MRPL9: variants seen among roughly 807,000 people sequenced by gnomAD.
MRPL9 encodes large ribosomal subunit protein bL9m.
A neutral mutation model predicts 27.6 loss-of-function variants in MRPL9; 25 were observed. The ratio of observed to expected loss-of-function variants is 0.91; its 90% CI spans 0.66 to 1.27. MRPL9 has a LOEUF of 1.27. Ranked by LOEUF, MRPL9 falls within the 50% of genes most tolerant of loss-of-function variation. MRPL9 has a pLI of 0.00. For missense variants in MRPL9, 362 were observed against 338.0 expected (o/e 1.07, Z -0.56); for synonymous variants, 154 against 139.0 (o/e 1.11, Z -0.76).
chr1:151,763,362 C>T lies in MRPL9; in HGVS notation c.118G>A (p.Asp40Asn), dbSNP rs777370947. The change falls in exon 1 of 7, where the codon GAC (aspartate) becomes AAC (asparagine). Residue 40 changes from aspartate (D) to asparagine (N), a missense_variant. Physicochemically the swap from Asp to Asn is conservative, Grantham distance 23. Transcript: ENST00000368830. The part of the protein sequence containing the change: ...LRPRHEGNAP[D>N]LACNFSLSQN... Reference sequence around the variant, plus strand: ...GAAAGGCTGAAGTTGCAGGCCAGGTCAGGGGCGTTCCCTTCATGTCGCGGC... The same window carrying T: ...GAAAGGCTGAAGTTGCAGGCCAGGTTAGGGGCGTTCCCTTCATGTCGCGGC... The T allele has an allele frequency of 4.4e-6, 7 of 1,578,076 alleles. No homozygotes were observed. Among genetic ancestry groups the T allele is most frequent in the Non-Finnish European group, 6.0e-6 (7 of 1,160,592 alleles).
At position 151,760,056 on chromosome 1, in the gene MRPL9, C is replaced by T. The variant is rs779545312; in HGVS notation, c.798G>A (p.Gln266=). Residue 266 remains glutamine, a synonymous_variant, in exon 7 of 7, where the codon CAG becomes CAA. Transcript: ENST00000368830. ...AAKAMAPTSP[Q]I The stretch of plus-strand genomic sequence containing the variant: ...CCTTGGAGGGAGAGTAGATTTAGAT[C>T]TGGGGGCTGGTGGGGGCCATAGCCT... 7.4e-6 allele frequency: 12 copies of T among 1,613,722 alleles called. No homozygotes were observed. Among genetic ancestry groups the T allele is most frequent in the South Asian group, 6.6e-5 (6 of 91,048 alleles).
Position 151,759,937 on chromosome 1 carries a change from G to A in MRPL9, c.*113C>T, listed in dbSNP as rs1248205283. The A allele has an allele frequency of 2.4e-5, 34 of 1,405,862 alleles. No individual in the cohort carries two copies. The highest frequency in any genetic ancestry group is 2.9e-5 in the Non-Finnish European group (30 of 1,040,844). The allele number at this position is 1,405,862 out of a possible 1,614,324, so 87.1% of individuals were successfully genotyped here. A position where few individuals can be genotyped will look rare whatever the true frequency, so the allele number is the denominator to read the frequency against. On this transcript the variant is annotated 3_prime_UTR_variant, in exon 7 of 7. Coordinates refer to ENST00000368830, the MANE Select transcript of MRPL9 (RefSeq NM_031420.4). ...TACGCAGTGCAGTCTGATGTCTTCA[G>A]ATGTTCTCTAAAATTCTGTATTTGG...
intron 4 of MRPL9, 60 bp from the exon 5 acceptor site, chr1:151,761,612 G>A (rs1165253710): frequency 2.4e-6 from 3 of 1,270,410 alleles, no homozygotes; most frequent in East Asian, 2.3e-5. Flanking sequence ...CACAGGGTAT[G>A]CAAGCCAAGC....
rs762219559 is a variant in MRPL9, at chr1:151,761,492, C to T, written c.547G>A (p.Glu183Lys). The T allele has an allele frequency of 6.2e-7, 1 of 1,614,018 alleles. No homozygotes were observed. Among genetic ancestry groups the T allele is most frequent in the Non-Finnish European group, 8.5e-7 (1 of 1,179,932 alleles). ...EVGMKNNVKWELNPEIVARHF... is the reference protein window; with the variant it reads ...EVGMKNNVKWKLNPEIVARHF... ...CGGGCAACTATTTCAGGGTTCAGCT[C>T]CCATTTGACATTGTTCTTCATCCCT... Residue 183 changes from glutamate (E) to lysine (K), a missense_variant, in exon 5 of 7, where the codon GAG becomes AAG. Glu to Lys is a moderately conservative substitution (Grantham distance 56). Transcript: ENST00000368830.
chr1:151,761,460 G>T lies in MRPL9; in HGVS notation c.579C>A (p.Phe193Leu), dbSNP rs866644572. ...GGGAACACTCACTCACATTCTTAAA[G>T]AAGTGGCGGGCAACTATTTCAGGGT... ...ELNPEIVARH[F>L]FKNLGVVVAP... The change falls in exon 5 of 7, where the codon TTC becomes TTA. Residue 193 changes from phenylalanine (F) to leucine (L), a missense_variant. Coordinates refer to ENST00000368830, the MANE Select transcript of MRPL9 (RefSeq NM_031420.4). The T allele has an allele frequency of 2.3e-5, 37 of 1,608,312 alleles. No homozygotes were observed. The highest frequency in any genetic ancestry group is 3.1e-5 in the Non-Finnish European group (37 of 1,175,250).
Position 151,762,377 on chromosome 1 carries a change from A to C in MRPL9, c.434T>G (p.Leu145Trp), listed in dbSNP as rs1185202982. Residue 145 changes from leucine to tryptophan, a missense_variant and splice_region_variant, in exon 3 of 7, where the codon TTG becomes TGG. Physicochemically the swap from Leu to Trp is moderately conservative, Grantham distance 61 (BLOSUM62 -2). Transcript: ENST00000368830. ...TCTCTGTCCTTCCTTTGAGCTCACCAATTTCTCCTCTTCAAACAGCTTCTT... is the reference window on the plus strand; with the variant it reads ...TCTCTGTCCTTCCTTTGAGCTCACCCATTTCTCCTCTTCAAACAGCTTCTT... ...ENKKLFEEEK[L>W]LRQEGKLEKI... 6.2e-7 allele frequency: 1 copy of C among 1,613,998 alleles called. No homozygotes were observed. The highest frequency in any genetic ancestry group is 1.3e-5 in the African/African-American group (1 of 74,924).
At chr1:151,760,712 CCT>C (rs1256197511) in intron 6 of MRPL9, 102 bp downstream of exon 6, 1 of 1,039,784 alleles carries the variant, frequency 9.6e-7, no homozygotes, top group African/African-American at 1.6e-5. Flanking sequence ...TTGAATCCAG[CCT>C]GGGCAATGAA....
In MRPL9 at chr1:151,761,316, A is replaced by T. The variant is rs186844048; in HGVS notation, c.588+135T>A. ...CCATTTCCTTCCCATATTCCTGCAA[A>T]CTAACCAAGAATACTTTCCTTAACT... On this transcript the variant is annotated intron_variant, in intron 5 of 6. Coordinates refer to ENST00000368830, the MANE Select transcript of MRPL9 (RefSeq NM_031420.4). 1.2e-4 allele frequency: 85 copies of T among 690,410 alleles called. 1 individual carries two copies. In the African/African-American group the frequency reaches 1.5e-3, roughly 12 times the overall value. 42.8% of individuals were successfully genotyped at this position (690,410 alleles called of 1,614,324 possible).
chr1:151,761,590 A>G, intron 4 of MRPL9, 38 bp from the exon 5 acceptor site: 2 of 1,479,378 alleles, frequency 1.4e-6, no homozygotes, highest in Non-Finnish European at 1.9e-6. Context: ...AGGAGAGGAA[A>G]CATGTCAGGG....
chr1:151,759,874 A>T lies in MRPL9; in HGVS notation c.*176T>A. 1 of 770,510 alleles carries T rather than the reference A, an allele frequency of 1.3e-6. No individual in the cohort carries two copies. Among genetic ancestry groups the T allele is most frequent in the Non-Finnish European group, 1.9e-6 (1 of 520,214 alleles). The allele number at this position is 770,510 out of a possible 1,614,324, so 47.7% of individuals were successfully genotyped here. A position where few individuals can be genotyped will look rare whatever the true frequency, so the allele number is the denominator to read the frequency against. On this transcript the variant is annotated 3_prime_UTR_variant, in exon 7 of 7. Transcript: ENST00000368830. ...ACAGGACTTCCCTGCCCCAGTGATG[A>T]CAGTTAAAGATGGCAAAAATGAAGA...
In MRPL9 at chr1:151,759,989, C is replaced by G; in HGVS notation, c.*61G>C. 1 of 1,588,008 alleles carries G rather than the reference C, an allele frequency of 6.3e-7. No individual in the cohort carries two copies. The highest frequency in any genetic ancestry group is 1.1e-5 in the South Asian group (1 of 87,938). ...CAGAGCTGGGAGTGAGATCAGGGTG[C>G]TTGCACATTTCTGCTCCACTGCTCC... On this transcript the variant is annotated 3_prime_UTR_variant, in exon 7 of 7. Transcript: ENST00000368830.
rs183965555 is a variant in MRPL9 at position 151,763,250 on chromosome 1, G to A, written c.153+77C>T. On this transcript the variant is annotated intron_variant, in intron 1 of 6. Coordinates refer to ENST00000368830, the MANE Select transcript of MRPL9 (RefSeq NM_031420.4). ...AGGAAAGCCCGCCACCCCCACATCGGCCCCCTCCAGGTCCCAGTGCGCCTC... is the reference window on the plus strand; with the variant it reads ...AGGAAAGCCCGCCACCCCCACATCGACCCCCTCCAGGTCCCAGTGCGCCTC... The A allele has an allele frequency of 3.1e-5, 47 of 1,533,834 alleles. No individual in the cohort carries two copies. In the African/African-American group the frequency reaches 5.4e-4, roughly 17 times the overall value.
rs1170646262 is a variant in MRPL9 at position 151,762,431 on chromosome 1, C to A, written c.380G>T (p.Gly127Val). The change falls in exon 3 of 7, where the codon GGA becomes GTA. Residue 127 changes from glycine to valine, a missense_variant. Gly to Val is a moderately radical substitution (Grantham distance 109). Coordinates refer to ENST00000368830, the MANE Select transcript of MRPL9 (RefSeq NM_031420.4). ...TTCAGGGGATGCATATACAGCCAGTCCCTGAGGAAGGAGTCGATTCCGGCC... is the reference window on the plus strand; with the variant it reads ...TTCAGGGGATGCATATACAGCCAGTACCTGAGGAAGGAGTCGATTCCGGCC... The part of the protein sequence containing the change: ...SLGRNRLLPQ[G>V]LAVYASPENK... 4.3e-6 allele frequency: 7 copies of A among 1,614,160 alleles called. No homozygotes were observed. Among genetic ancestry groups the A allele is most frequent in the Non-Finnish European group, 5.9e-6 (7 of 1,180,038 alleles).
At chr1:151,763,248 C>T in intron 1 of MRPL9, 79 bp downstream of exon 1, 4 of 1,532,884 alleles carry the variant, frequency 2.6e-6, no homozygotes, top group Non-Finnish European at 2.6e-6. Flanking sequence ...ACCCCCACAT[C>T]GGCCCCCTCC....
At chr1:151,763,240 C>A in intron 1 of MRPL9, 87 bp downstream of exon 1, 1 of 1,535,266 alleles carries the variant, frequency 6.5e-7, no homozygotes, top group South Asian at 1.2e-5. Context: ...AGCCCGCCAC[C>A]CCCACATCGG....
At chr1:151,762,804 T>C in intron 2 of MRPL9, 186 bp downstream of exon 2, 1 of 805,642 alleles carries the variant, frequency 1.2e-6, no homozygotes, top group Non-Finnish European at 2.0e-6. Flanking sequence ...GCCTTTATGT[T>C]TTAATTTTCA....
chr1:151,763,084 G>A lies in MRPL9; in HGVS notation c.216C>T (p.Arg72=). 6.2e-7 allele frequency: 1 copy of A among 1,614,082 alleles called. No individual in the cohort carries two copies. The part of the protein sequence containing the change: ...VPLAGEGRKP[R]LHRRHRVYKL... ...TATAGACGCGATGTCGCCGGTGCAG[G>A]CGCGGCTTCCGGCCCTCCCCGGCCA... Residue 72 remains arginine (R), a synonymous_variant, in exon 2 of 7, where the codon CGC becomes CGT. Transcript: ENST00000368830.
In MRPL9 at chr1:151,763,476, C is replaced by T. The variant is rs1648223462; in HGVS notation, c.4G>A (p.Ala2Thr). The change falls in exon 1 of 7, where the codon GCG (alanine) becomes ACG (threonine). Residue 2 changes from alanine to threonine, a missense_variant. By Grantham distance (58) the Ala-to-Thr change is moderately conservative. Coordinates refer to ENST00000368830, the MANE Select transcript of MRPL9 (RefSeq NM_031420.4). ...CCCGGGGCCGTGACAACGGGCGCCG[C>T]CATGTTCACAGGCACAGAATGAGAC... The part of the protein sequence containing the change: M[A>T]APVVTAPGRA... 4 of 1,574,196 alleles carry T rather than the reference C, an allele frequency of 2.5e-6. No homozygotes were observed. The highest frequency in any genetic ancestry group is 3.4e-6 in the Non-Finnish European group (4 of 1,160,682).
Position 151,763,452 on chromosome 1 carries a change from C to A in MRPL9, c.28G>T (p.Gly10Cys). The A allele has an allele frequency of 6.4e-7, 1 of 1,573,872 alleles. No homozygotes were observed. MAAPVVTAP[G>C]RALLRAGAGR... ...GCGCCCGCCCGCAGCAGAGCTCTGCCCGGGGCCGTGACAACGGGCGCCGCC... is the reference window on the plus strand; with the variant it reads ...GCGCCCGCCCGCAGCAGAGCTCTGCACGGGGCCGTGACAACGGGCGCCGCC... Residue 10 changes from glycine to cysteine, a missense_variant, in exon 1 of 7, where the codon GGC (glycine) becomes TGC (cysteine). By Grantham distance (159) the Gly-to-Cys change is radical. Transcript: ENST00000368830.
Sources: gnomAD v4.1 joint callset for allele counts on GRCh38, gnomAD v4.1.1 for gene constraint, MANE v1.5 for transcripts, NCBI Gene and HGNC (gene_info 2026-07-23, HGNC 2026-07-21) for gene names.